The following FBXW7 variants were observed in gnomAD, a reference collection of about 807,000 sequenced individuals.
FBXW7 encodes the protein F-box and WD repeat domain containing 7, also known as F-box/WD repeat-containing protein 7.
FBXW7 carries 11 observed loss-of-function variants against 86.3 expected under a neutral mutation model. The ratio of observed to expected loss-of-function variants is 0.13; its 90% CI spans 0.08 to 0.21. FBXW7 has a LOEUF of 0.21. Among genes scored for constraint, FBXW7 ranks in the 10% least tolerant of loss-of-function variants. The pLI, the probability that FBXW7 is intolerant of heterozygous loss-of-function variation, is 1.00. For missense variants in FBXW7, 488 were observed against 847.4 expected, an observed-to-expected ratio of 0.58 and a Z score of 5.27; for synonymous variants, 313 against 297.9, an observed-to-expected ratio of 1.05 and a Z score of -0.52.
intron 4 of FBXW7, among the ~76,000 whole-genome samples, chr4:152,377,110 G>A (rs1734616928): frequency 6.6e-6 from 1 of 151,900 alleles, no homozygotes; most frequent in African/African-American, 2.4e-5. Flanking sequence ...TAGTTGAAAC[G>A]TGTTAAGTTC....
chr4:152,433,224 T>A (rs1740072117), intron 2 of FBXW7, among the ~76,000 whole-genome samples: 1 of 152,218 alleles, frequency 6.6e-6, no homozygotes, highest in Admixed American at 6.5e-5. Context: ...ACATTTCTCC[T>A]GGGTAAATAA....
intron 2 of FBXW7, among the ~76,000 whole-genome samples, chr4:152,493,163 G>GT (rs1362766288): frequency 2.0e-5 from 3 of 151,244 alleles, no homozygotes; most frequent in Non-Finnish European, 2.9e-5. Flanking sequence ...TAGTTTTTTT[G>GT]TTTTTTGTTT....
chr4:152,489,601 G>C (rs545687291), intron 2 of FBXW7, among the ~76,000 whole-genome samples: 5 of 152,050 alleles, frequency 3.3e-5, no homozygotes, highest in Non-Finnish European at 7.4e-5. Context: ...AAAGTATTGG[G>C]AAAATATCAG....
chr4:152,386,206 T>A (rs1169015872), intron 4 of FBXW7, among the ~76,000 whole-genome samples: 2 of 152,004 alleles, frequency 1.3e-5, no homozygotes, highest in Non-Finnish European at 2.9e-5. Flanking sequence ...ACAGACAAGC[T>A]CTTTTAAAGA....
At chr4:152,502,924 A>C (rs1385410583) in intron 2 of FBXW7, among the ~76,000 whole-genome samples, 1 of 152,220 alleles carries the variant, frequency 6.6e-6, no homozygotes, top group African/African-American at 2.4e-5. Flanking sequence ...TTAGCCAAAC[A>C]ATGTCAGAAG....
intron 9 of FBXW7, 113 bp downstream of exon 9, chr4:152,330,619 G>T: frequency 1.1e-6 from 1 of 881,134 alleles, no homozygotes; most frequent in Non-Finnish European, 1.6e-6. Context: ...AAAATATACG[G>T]TTTTCTTTCT....
At chr4:152,498,283 CT>C (rs2149695751) in intron 2 of FBXW7, among the ~76,000 whole-genome samples, 2 of 116,866 alleles carry the variant, frequency 1.7e-5, no homozygotes, top group South Asian at 5.6e-4. Context: ...AAATAGAAGG[CT>C]TTTGTCAAGG....
intron 6 of FBXW7, 135 bp downstream of exon 6, chr4:152,346,795 A>T: frequency 8.2e-7 from 1 of 1,226,884 alleles, no homozygotes; most frequent in Non-Finnish European, 1.1e-6. Context: ...GGCTTCTTTC[A>T]CTTGGCAGAA....
chr4:152,375,096 T>A (rs991675269), intron 4 of FBXW7, among the ~76,000 whole-genome samples: 12 of 151,978 alleles, frequency 7.9e-5, no homozygotes, highest in Non-Finnish European at 1.6e-4. Context: ...TTTTTTTTTT[T>A]AAGGCAAACC....
chr4:152,409,857 C>T (rs1230898474), intron 4 of FBXW7, among the ~76,000 whole-genome samples: 1 of 151,878 alleles, frequency 6.6e-6, no homozygotes, highest in Admixed American at 6.6e-5. Context: ...GTTATATGTA[C>T]AGGACAATAA....
In FBXW7 at chr4:152,412,465, T is replaced by G. The variant is rs2126885714; in HGVS notation, c.-70+15A>C. 6.6e-6 allele frequency: 1 copy of G among 151,792 alleles called. No homozygotes were observed. The highest frequency in any genetic ancestry group is 1.9e-4 in the East Asian group (1 of 5,178). The allele number at this position is 151,792 out of a possible 1,614,324, so 9.4% of individuals were successfully genotyped here. On this transcript the variant is annotated intron_variant, in intron 3 of 13. Transcript: ENST00000281708. ...ACAAAAAATTTATTTAAAAAAAAAG[T>G]TCATAAGTTCATACCCTCTGACCCA...
intron 4 of FBXW7, among the ~76,000 whole-genome samples, chr4:152,397,695 CAAAA>C (rs397995836): frequency 0.063 from 3,805 of 60,336 alleles, 104 homozygotes; most frequent in South Asian, 0.17. Flanking sequence ...CCTAAGAAGC[CAAAA>C]AAAAAAAAAA....
intron 2 of FBXW7, among the ~76,000 whole-genome samples, chr4:152,466,192 A>G (rs1009738911): frequency 3.3e-5 from 5 of 152,218 alleles, no homozygotes; most frequent in Non-Finnish European, 5.9e-5. Flanking sequence ...AATACATGAA[A>G]TACACCTTCA....
chr4:152,337,638 A>T, intron 7 of FBXW7, 164 bp downstream of exon 7: 1 of 605,966 alleles, frequency 1.7e-6, no homozygotes, highest in African/African-American at 1.9e-5. Context: ...TTACATTATT[A>T]AGTCATGGCA....
intron 2 of FBXW7, among the ~76,000 whole-genome samples, chr4:152,431,149 T>A (rs1244485322): frequency 6.6e-6 from 1 of 152,198 alleles, no homozygotes; most frequent in Non-Finnish European, 1.5e-5. Flanking sequence ...AAAAGAAATC[T>A]AGACAGGAGT....
intron 5 of FBXW7, among the ~76,000 whole-genome samples, chr4:152,349,499 A>G (rs953680866): frequency 1.3e-5 from 2 of 151,948 alleles, no homozygotes; most frequent in Admixed American, 6.6e-5. Context: ...CTGAAGTAGA[A>G]AAAGATTACA....
chr4:152,535,861 G>A lies in FBXW7; in HGVS notation c.-947C>T. 2.6e-6 allele frequency: 1 copy of A among 382,866 alleles called. No homozygotes were observed. Among genetic ancestry groups the A allele is most frequent in the Non-Finnish European group, 4.6e-6 (1 of 215,850 alleles). 23.7% of individuals were successfully genotyped at this position (382,866 alleles called of 1,614,324 possible). ...GGCTCCGGCTCCGGCGTGTGCAGCCGCCGCTGCCGGCCGGGAAGGTGAGGG... is the reference window on the plus strand; with the variant it reads ...GGCTCCGGCTCCGGCGTGTGCAGCCACCGCTGCCGGCCGGGAAGGTGAGGG... On this transcript the variant is annotated 5_prime_UTR_variant, in exon 1 of 14. Transcript: ENST00000281708.
intron 2 of FBXW7, among the ~76,000 whole-genome samples, chr4:152,460,673 G>C (rs1356343999): frequency 6.6e-6 from 1 of 152,122 alleles, no homozygotes; most frequent in Non-Finnish European, 1.5e-5. Flanking sequence ...AGATATTTCT[G>C]GCTACTTTCA....
chr4:152,440,199 T>G (rs954913535), intron 2 of FBXW7, among the ~76,000 whole-genome samples: 1 of 152,038 alleles, frequency 6.6e-6, no homozygotes, highest in African/African-American at 2.4e-5. Flanking sequence ...TCTAAAAAAA[T>G]TTTTTTTCAG....
Sources: gnomAD v4.1 joint callset for allele counts (sites outside exome capture counted in the v4.1 genomes callset) on GRCh38, gnomAD v4.1.1 for gene constraint, MANE v1.5 for transcripts, NCBI Gene and HGNC (gene_info 2026-07-23, HGNC 2026-07-21) for gene names.